Variants in MNAT1 observed in about 807,000 individuals in gnomAD.
MNAT1 encodes the protein CDK-activating kinase assembly factor MAT1.
MNAT1 carries 43 observed loss-of-function variants against 42.0 expected under a neutral mutation model. The ratio of observed to expected loss-of-function variants is 1.02; its 90% CI spans 0.80 to 1.32. MNAT1 has a LOEUF of 1.32. Among genes scored for constraint, MNAT1 ranks in the 40% most tolerant of loss-of-function variants. MNAT1 has a pLI of 0.00. For missense variants in MNAT1, 306 were observed against 350.4 expected (o/e 0.87, Z 1.01); for synonymous variants, 118 against 120.0 (o/e 0.98, Z 0.11).
chr14:60,859,095 A>G (rs1455701274), intron 6 of MNAT1, among the ~76,000 whole-genome samples: 1 of 152,180 alleles, frequency 6.6e-6, no homozygotes, highest in Non-Finnish European at 1.5e-5. Flanking sequence ...TTGTGAGATT[A>G]TTACTGTGTT....
At chr14:60,936,207 C>T (rs917350902) in intron 7 of MNAT1, among the ~76,000 whole-genome samples, 4 of 152,108 alleles carry the variant, frequency 2.6e-5, no homozygotes, top group African/African-American at 7.2e-5. Flanking sequence ...AGAGATTCTC[C>T]GGAGACCCCT....
intron 1 of MNAT1, among the ~76,000 whole-genome samples, chr14:60,773,580 G>T (rs182345726): frequency 2.4e-4 from 36 of 152,292 alleles, no homozygotes; most frequent in African/African-American, 8.7e-4. Context: ...AAGCCATGAA[G>T]AATTTACTTC....
chr14:60,734,885 G>C lies in MNAT1; in HGVS notation c.23G>C (p.Arg8Pro). ...GCCATGGACGATCAGGGTTGCCCTC[G>C]GTGTAAGACCACCAAATATCGGAAC... MDDQGCPRCKTTKYRNPS... is the reference protein window; with the variant it reads MDDQGCPPCKTTKYRNPS... Residue 8 changes from arginine (R) to proline (P), a missense_variant, in exon 1 of 8, where the codon CGG becomes CCG. By Grantham distance (103) the Arg-to-Pro change is moderately radical (BLOSUM62 -2). This residue lies in a region of MNAT1 where 72 missense variants were observed against 111.0 expected (regional missense o/e 0.65). Coordinates refer to ENST00000261245, the MANE Select transcript of MNAT1 (RefSeq NM_002431.4). This position sits in a 1 kb window ranked among gnomAD's most constrained non-coding sequence, Gnocchi z 4.3. 6.2e-7 allele frequency: 1 copy of C among 1,614,082 alleles called. No individual in the cohort carries two copies. Among genetic ancestry groups the C allele is most frequent in the East Asian group, 2.2e-5 (1 of 44,874 alleles).
intron 7 of MNAT1, among the ~76,000 whole-genome samples, chr14:60,941,266 C>T (rs1327290430): frequency 1.3e-5 from 2 of 152,120 alleles, no homozygotes; most frequent in Non-Finnish European, 2.9e-5. Context: ...CCCTGTGATT[C>T]AGGAAATTGT....
At chr14:60,744,424 G>T (rs142957982) in intron 1 of MNAT1, among the ~76,000 whole-genome samples, 128 of 151,472 alleles carry the variant, frequency 8.5e-4, no homozygotes, top group African/African-American at 3.0e-3. Context: ...GAGCCATCAC[G>T]CCCAGCCATC....
At chr14:60,837,587 C>T (rs2033428726) in intron 6 of MNAT1, among the ~76,000 whole-genome samples, 1 of 152,218 alleles carries the variant, frequency 6.6e-6, no homozygotes, top group South Asian at 2.1e-4. Flanking sequence ...GAACCAGGTA[C>T]CTCAGTTGGA....
intron 5 of MNAT1, among the ~76,000 whole-genome samples, chr14:60,816,992 C>CT (rs1426583272): frequency 2.0e-5 from 3 of 150,938 alleles, no homozygotes; most frequent in Non-Finnish European, 4.4e-5. Context: ...TGACTAGCAA[C>CT]TTTTTTTTTG....
intron 1 of MNAT1, chr14:60,753,676 A>G (rs2140294798): frequency 6.6e-6 from 1 of 152,360 alleles, no homozygotes; most frequent in Middle Eastern, 3.4e-3. Context: ...ATTCAGAGGA[A>G]GGGGAATTGG....
chr14:60,881,477 C>T (rs921427070), intron 7 of MNAT1, among the ~76,000 whole-genome samples: 12 of 152,234 alleles, frequency 7.9e-5, no homozygotes, highest in South Asian at 6.2e-4. Flanking sequence ...TGAACCACTG[C>T]GCCCGGCCCA....
chr14:60,827,605 C>T (rs34279143), intron 6 of MNAT1, among the ~76,000 whole-genome samples: 6,431 of 152,182 alleles, frequency 0.042, 172 homozygotes, highest in Non-Finnish European at 0.065. Context: ...GAACAAAAAA[C>T]AAAACTTGAC....
At chr14:60,752,184 T>C (rs2030122173) in intron 1 of MNAT1, among the ~76,000 whole-genome samples, 1 of 152,120 alleles carries the variant, frequency 6.6e-6, no homozygotes, top group Admixed American at 6.5e-5. Flanking sequence ...TTGCTACTGA[T>C]CTAGAATGGA....
At chr14:60,847,437 G>A (rs917180342) in intron 6 of MNAT1, among the ~76,000 whole-genome samples, 2 of 149,870 alleles carry the variant, frequency 1.3e-5, no homozygotes, top group South Asian at 2.1e-4. Context: ...TTTTATTTTA[G>A]TACAGCTACT....
chr14:60,883,839 G>T (rs1260035545), intron 7 of MNAT1, among the ~76,000 whole-genome samples: 2 of 151,926 alleles, frequency 1.3e-5, no homozygotes, highest in African/African-American at 4.8e-5. Flanking sequence ...TTGTAAATGG[G>T]ATTACTTTCT....
chr14:60,895,874 T>C (rs2034947526), intron 7 of MNAT1, among the ~76,000 whole-genome samples: 1 of 152,194 alleles, frequency 6.6e-6, no homozygotes, highest in Non-Finnish European at 1.5e-5. Flanking sequence ...AGTTTTTTTG[T>C]AGCTACACCT....
intron 7 of MNAT1, among the ~76,000 whole-genome samples, chr14:60,911,741 C>G (rs1053167765): frequency 1.3e-5 from 2 of 152,082 alleles, no homozygotes; most frequent in African/African-American, 4.8e-5. Context: ...TTACTTCCAA[C>G]TATGTGGTCA....
At chr14:60,762,301 T>C (rs1450202107) in intron 1 of MNAT1, among the ~76,000 whole-genome samples, 2 of 152,196 alleles carry the variant, frequency 1.3e-5, no homozygotes, top group African/African-American at 4.8e-5. Context: ...AAAAAATTTT[T>C]AGGGAATTCT....
At chr14:60,898,699 C>G (rs1188995162) in intron 7 of MNAT1, among the ~76,000 whole-genome samples, 2 of 152,124 alleles carry the variant, frequency 1.3e-5, no homozygotes, top group African/African-American at 4.8e-5. Flanking sequence ...TTCTCCCAAT[C>G]AACATCTTGT....
chr14:60,968,185 T>C, intron 7 of MNAT1, 44 bp from the exon 8 acceptor site: 1 of 1,425,928 alleles, frequency 7.0e-7, no homozygotes, highest in South Asian at 1.2e-5. Flanking sequence ...TACCTATTTA[T>C]ATTTGCTTTG....
At position 60,796,241 on chromosome 14, in the gene MNAT1, G is replaced by T; in HGVS notation, c.114G>T (p.Leu38=). ...GCTGTGAAAGTTGTGTAGATTTACT[G>T]TTTGTGAGAGGAGCTGGAAACTGCC... is the stretch of plus-strand genomic sequence containing the variant. The part of the protein sequence containing the change: ...HTLCESCVDL[L]FVRGAGNCPE... Residue 38 remains leucine (L), a synonymous_variant, in exon 2 of 8, where the codon CTG becomes CTT. Coordinates refer to ENST00000261245, the MANE Select transcript of MNAT1 (RefSeq NM_002431.4). 1 of 1,612,060 alleles carries T rather than the reference G, an allele frequency of 6.2e-7. No individual in the cohort carries two copies. The highest frequency in any genetic ancestry group is 1.1e-5 in the South Asian group (1 of 90,596).
Sources: allele counts gnomAD v4.1 joint callset (sites outside exome capture counted in the v4.1 genomes callset), GRCh38; gene constraint gnomAD v4.1.1; regional missense constraint gnomAD v4.1.1; non-coding constraint Gnocchi (gnomAD v3.1); transcripts MANE v1.5; gene names NCBI Gene and HGNC (gene_info 2026-07-23, HGNC 2026-07-21).